STS: variants seen among roughly 807,000 people sequenced by gnomAD.
STS encodes the protein steroid sulfatase.
STS carries 7 observed loss-of-function variants against 26.8 expected under a neutral mutation model. The ratio of observed to expected loss-of-function variants is 0.26; its 90% confidence interval spans 0.15 to 0.49. The LOEUF (loss-of-function observed/expected upper bound fraction) is 0.49. Among genes scored for constraint, STS ranks in the 20% least tolerant of loss-of-function variants. The probability of loss-of-function intolerance (pLI) is 0.98; values close to 1 mark genes in which losing one functional copy is unlikely to be tolerated. For synonymous variants in STS, 199 were observed against 189.4 expected (o/e 1.05, Z -0.42); for missense variants, 434 against 465.6 (o/e 0.93, Z 0.63).
At chrX:7,213,359 C>T (rs1369838065) in intron 2 of STS, among the ~76,000 whole-genome samples, 2 of 111,663 alleles carry the variant, frequency 1.8e-5, no homozygotes, top group Non-Finnish European at 3.8e-5. Context: ...CTGCAGGCTA[C>T]CAAAAGGTAA....
chrX:7,214,972 G>GTA (rs1471638743), intron 2 of STS, among the ~76,000 whole-genome samples: 3 of 62,760 alleles, frequency 4.8e-5, no homozygotes, highest in African/African-American at 1.8e-4. Flanking sequence ...TATTATATAT[G>GTA]TATATATACA....
chrX:7,345,185 A>G (rs1928472351), intron 10 of STS, among the ~76,000 whole-genome samples: 1 of 111,603 alleles, frequency 9.0e-6, no homozygotes, highest in Admixed American at 9.6e-5. Flanking sequence ...CAGCCCAACA[A>G]AAAGATGCAG....
intron 8 of STS, among the ~76,000 whole-genome samples, chrX:7,312,334 G>A (rs899051396): frequency 3.6e-5 from 4 of 111,970 alleles, no homozygotes; most frequent in African/African-American, 1.3e-4. Flanking sequence ...TCGCATCTCT[G>A]ATAACTTACC....
At chrX:7,335,386 G>T (rs1310248461) in intron 10 of STS, among the ~76,000 whole-genome samples, 3 of 112,284 alleles carry the variant, frequency 2.7e-5, no homozygotes, top group African/African-American at 9.7e-5. Flanking sequence ...TTATGTGTCT[G>T]TTGGCTGCAT....
At chrX:7,236,892 A>G (rs1165056794) in intron 2 of STS, among the ~76,000 whole-genome samples, 1 of 95,087 alleles carries the variant, frequency 1.1e-5, no homozygotes, top group African/African-American at 3.9e-5. Context: ...TTTTTTTTCT[A>G]TCTTAGACTT....
intron 6 of STS, among the ~76,000 whole-genome samples, chrX:7,266,511 C>T (rs1304184360): frequency 8.9e-6 from 1 of 111,733 alleles, no homozygotes; most frequent in Non-Finnish European, 1.9e-5. Context: ...TCCACAATCC[C>T]TCACCCTAAT....
intron 10 of STS, among the ~76,000 whole-genome samples, chrX:7,347,746 G>A (rs1198437590): frequency 1.8e-5 from 2 of 111,732 alleles, no homozygotes; most frequent in African/African-American, 3.3e-5. Context: ...AGCAAGAGAG[G>A]CTTCCTGGCT....
chrX:7,306,132 T>C (rs1366264619), intron 8 of STS, among the ~76,000 whole-genome samples: 1 of 111,593 alleles, frequency 9.0e-6, no homozygotes, highest in Non-Finnish European at 1.9e-5. Context: ...GCTCTGCCAA[T>C]ATAAGATAGA....
At chrX:7,171,565 C>T (rs1265528495) in intron 1 of STS, among the ~76,000 whole-genome samples, 6 of 111,945 alleles carry the variant, frequency 5.4e-5, no homozygotes, top group African/African-American at 1.6e-4. Context: ...TGCAATCCCA[C>T]GTCCTCACCA....
intron 8 of STS, among the ~76,000 whole-genome samples, chrX:7,314,125 C>A (rs896148446): frequency 9.0e-6 from 1 of 111,637 alleles, no homozygotes; most frequent in Non-Finnish European, 1.9e-5. Flanking sequence ...GAGGCCAAGG[C>A]AGAAGGATCG....
At chrX:7,231,304 G>A (rs1445535973) in intron 2 of STS, among the ~76,000 whole-genome samples, 1 of 112,131 alleles carries the variant, frequency 8.9e-6, no homozygotes, top group Non-Finnish European at 1.9e-5. Context: ...TTAAATTGAT[G>A]TACTAAATGC....
intron 2 of STS, among the ~76,000 whole-genome samples, chrX:7,236,344 A>T (rs752144031): frequency 2.7e-5 from 3 of 111,684 alleles, no homozygotes; most frequent in Non-Finnish European, 5.6e-5. Flanking sequence ...CCCAAAACAA[A>T]CCTCCTTACT....
intron 2 of STS, among the ~76,000 whole-genome samples, chrX:7,242,051 A>C (rs1400874171): frequency 9.0e-6 from 1 of 111,221 alleles, no homozygotes; most frequent in East Asian, 2.8e-4. Flanking sequence ...AGCAAGATAG[A>C]GGTCATAGTC....
chrX:7,300,058 A>T (rs1925891904), intron 7 of STS, among the ~76,000 whole-genome samples: 1 of 111,342 alleles, frequency 9.0e-6, no homozygotes, highest in Non-Finnish European at 1.9e-5. Context: ...ACTTTCTAGA[A>T]TTTAGGCTTC....
chrX:7,280,278 A>G (rs758977786), intron 7 of STS, among the ~76,000 whole-genome samples: 18 of 111,732 alleles, frequency 1.6e-4, no homozygotes, highest in African/African-American at 5.9e-4. Context: ...AGGAGATCCT[A>G]TAACAACTCA....
chrX:7,240,988 C>T (rs1922590577), intron 2 of STS, among the ~76,000 whole-genome samples: 1 of 111,328 alleles, frequency 9.0e-6, no homozygotes, highest in Non-Finnish European at 1.9e-5. Flanking sequence ...CCTAAAACAA[C>T]AGAAAGGAAA....
rs984467769 is a variant in STS at position 7,352,789 on chromosome X, G to A, written c.*2528G>A. 4 of 110,403 alleles carry A rather than the reference G, an allele frequency of 3.6e-5. No individual in the cohort carries two copies. Among genetic ancestry groups the A allele is most frequent in the African/African-American group, 1.3e-4 (4 of 30,374 alleles). 9.1% of individuals were successfully genotyped at this position (110,403 alleles called of 1,213,427 possible). A position where few individuals can be genotyped will look rare whatever the true frequency, so the allele number is the denominator to read the frequency against. On this transcript the variant is annotated 3_prime_UTR_variant, in exon 11 of 11. Transcript: ENST00000674429. ...AAAGTTAAGCAAATAGATTAATGAC[G>A]TATACATAGGCATCATTTCACAAGG...
intron 8 of STS, among the ~76,000 whole-genome samples, chrX:7,323,094 C>G (rs752587314): frequency 9.0e-6 from 1 of 111,631 alleles, no homozygotes; most frequent in African/African-American, 3.3e-5. Flanking sequence ...ATGTAATAAT[C>G]ACGTGGAAAC....
Position 7,323,725 on chromosome X carries a change from G to C in STS, c.1082-1614G>C, listed in dbSNP as rs1405746929. 1.8e-5 allele frequency among the ~76,000 whole-genome samples: 2 copies of C among 111,711 alleles called. 1 individual carries two copies. The highest frequency in any genetic ancestry group is 6.5e-5 in the African/African-American group (2 of 30,738). On this transcript the variant is annotated intron_variant, in intron 8 of 10. Coordinates refer to ENST00000674429, the MANE Select transcript of STS (RefSeq NM_001320752.2). ...TTGGTAGAATAATTTATTTTCCTTT[G>C]GGAATAACCATGAATTAAATGGGTC...
Sources: gnomAD v4.1 joint callset for allele counts (sites outside exome capture counted in the v4.1 genomes callset) on GRCh38, gnomAD v4.1.1 for gene constraint, MANE v1.5 for transcripts, NCBI Gene and HGNC (gene_info 2026-07-23, HGNC 2026-07-21) for gene names.